The following COL23A1 variants were observed in gnomAD, a reference collection of about 807,000 sequenced individuals.
COL23A1 encodes collagen type XXIII alpha 1 chain, also known as collagen alpha-1(XXIII) chain.
A neutral mutation model predicts 99.3 loss-of-function variants in COL23A1; 97 were observed. The ratio of observed to expected loss-of-function variants is 0.98; its 90% CI spans 0.83 to 1.16. COL23A1 has a LOEUF of 1.16. Ranked by LOEUF, COL23A1 falls within the 50% of genes most tolerant of loss-of-function variation. The probability of loss-of-function intolerance (pLI) is 0.00; values close to 1 mark genes in which losing one functional copy is unlikely to be tolerated. For synonymous variants in COL23A1, 320 were observed against 308.2 expected (o/e 1.04, Z -0.40); for missense variants, 762 against 757.4 (o/e 1.01, Z -0.07).
chr5:178,339,687 G>T (rs747388016), intron 2 of COL23A1, among the ~76,000 whole-genome samples: 3 of 152,228 alleles, frequency 2.0e-5, no homozygotes, highest in Non-Finnish European at 4.4e-5. Context: ...ACGTGAATCT[G>T]CCAGCGCCTC....
intron 2 of COL23A1, among the ~76,000 whole-genome samples, chr5:178,484,568 A>T (rs973055399): frequency 6.6e-6 from 1 of 152,138 alleles, no homozygotes; most frequent in Non-Finnish European, 1.5e-5. Context: ...TCACGCCTGT[A>T]ATCCCAGCAC....
intron 2 of COL23A1, among the ~76,000 whole-genome samples, chr5:178,559,758 CAT>C (rs1416043425): frequency 6.8e-6 from 1 of 147,220 alleles, no homozygotes; most frequent in African/African-American, 2.6e-5. Flanking sequence ...GTCTGAGACA[CAT>C]CACCCAAAAG....
intron 2 of COL23A1, among the ~76,000 whole-genome samples, chr5:178,338,540 G>A (rs980412693): frequency 6.6e-6 from 1 of 152,186 alleles, no homozygotes; most frequent in African/African-American, 2.4e-5. Flanking sequence ...AATGGGGGTA[G>A]CTCCTGGGTC....
At chr5:178,400,334 T>G (rs1322265972) in intron 2 of COL23A1, among the ~76,000 whole-genome samples, 1 of 119,214 alleles carries the variant, frequency 8.4e-6, no homozygotes, top group Non-Finnish European at 1.6e-5. Flanking sequence ...GCCACTGCAC[T>G]CCAGCCTGGG....
At chr5:178,403,664 G>C (rs1219703192) in intron 2 of COL23A1, among the ~76,000 whole-genome samples, 2 of 152,216 alleles carry the variant, frequency 1.3e-5, no homozygotes, top group Non-Finnish European at 2.9e-5. Flanking sequence ...GCCCCAAGTG[G>C]TCCTTATAGT....
rs116157425 is a variant in COL23A1 at position 178,311,865 on chromosome 5, G to A, written c.362-4946C>T. On this transcript the variant is annotated intron_variant, in intron 2 of 28. Coordinates refer to ENST00000390654, the MANE Select transcript of COL23A1 (RefSeq NM_173465.4). ...TCTGCCTCAGCCTCCCGAGCTGCTG[G>A]GACCACAGGCACGCGCCACCATGCC... is the stretch of plus-strand genomic sequence containing the variant. Among the ~76,000 whole-genome samples, 598 of 152,070 alleles carry A rather than the reference G, an allele frequency of 3.9e-3. 5 individuals carry two copies. Among genetic ancestry groups the A allele is most frequent in the African/African-American group, 0.014 (575 of 41,464 alleles).
rs1022843271 is a variant in COL23A1 at position 178,466,793 on chromosome 5, C to T, written c.361+93889G>A. On this transcript the variant is annotated intron_variant, in intron 2 of 28. Coordinates refer to ENST00000390654, the MANE Select transcript of COL23A1 (RefSeq NM_173465.4). ...GAAGGACTGTTGGAGCAGCTCTGGC[C>T]GTGCCAGGCTGGCCAGGTGGAAGGA... Among the ~76,000 whole-genome samples, 3 of 152,234 alleles carry T rather than the reference C, an allele frequency of 2.0e-5. No individual in the cohort carries two copies. In the South Asian group the frequency reaches 6.2e-4, roughly 32 times the overall value.
intron 2 of COL23A1, among the ~76,000 whole-genome samples, chr5:178,517,407 A>G (rs760878407): frequency 6.6e-6 from 1 of 152,120 alleles, no homozygotes; most frequent in Non-Finnish European, 1.5e-5. Context: ...GAGAGGGCCC[A>G]TGTCCCTGTC....
intron 2 of COL23A1, among the ~76,000 whole-genome samples, chr5:178,502,464 G>C (rs1265533401): frequency 6.6e-6 from 1 of 152,184 alleles, no homozygotes; most frequent in Non-Finnish European, 1.5e-5. Flanking sequence ...CTGCTTCACA[G>C]GATGTGACAC....
rs1262625531 is a variant in COL23A1, at chr5:178,313,887, A to G, written c.362-6968T>C. On this transcript the variant is annotated intron_variant, in intron 2 of 28. Transcript: ENST00000390654. The surrounding 1 kb of genome is among the most constrained non-coding windows in gnomAD (Gnocchi z 4.2). ...TCCCTGGAAAAGAGCTTCCGAGACC[A>G]GATCATTAAAACATCTCCCCAGACC... is the stretch of plus-strand genomic sequence containing the variant. 2.6e-5 allele frequency among the ~76,000 whole-genome samples: 4 copies of G among 152,220 alleles called. No homozygotes were observed. In the East Asian group the frequency reaches 7.7e-4, roughly 29 times the overall value.
rs1223598835 is a variant in COL23A1 at position 178,589,715 on chromosome 5, C to T, written c.294+189G>A. Among the ~76,000 whole-genome samples, 1 of 152,048 alleles carries T rather than the reference C, an allele frequency of 6.6e-6. No individual in the cohort carries two copies. Among genetic ancestry groups the T allele is most frequent in the Non-Finnish European group, 1.5e-5 (1 of 67,992 alleles). On this transcript the variant is annotated intron_variant, in intron 1 of 28. Coordinates refer to ENST00000390654, the MANE Select transcript of COL23A1 (RefSeq NM_173465.4). The surrounding 1 kb of genome is among the most constrained non-coding windows in gnomAD (Gnocchi z 5.4). Reference sequence around the variant, plus strand: ...GAGGCCGGAGCGGAGACCGCAAAACCCCTTGGGGCCGGCACCCCCTGCCTC... The same window carrying T: ...GAGGCCGGAGCGGAGACCGCAAAACTCCTTGGGGCCGGCACCCCCTGCCTC...
At chr5:178,348,160 C>A (rs80263847) in intron 2 of COL23A1, among the ~76,000 whole-genome samples, 4,789 of 152,232 alleles carry the variant, frequency 0.031, 114 homozygotes, top group Non-Finnish European at 0.047. Context: ...ACGCCGCCCC[C>A]CGACTGGCCT....
intron 2 of COL23A1, among the ~76,000 whole-genome samples, chr5:178,442,532 GGTCCCAGTCTGCCATTCGGGGA>G (rs1291207399): frequency 5.3e-5 from 8 of 152,156 alleles, no homozygotes; most frequent in Non-Finnish European, 1.2e-4. Flanking sequence ...TGACAGCTGG[GGTCCCAGTCTGCCATTCGGGGA>G]GCACCAGCGT....
chr5:178,559,409 ATGT>A (rs1762441345), intron 2 of COL23A1, among the ~76,000 whole-genome samples: 3 of 152,196 alleles, frequency 2.0e-5, no homozygotes, highest in East Asian at 1.9e-4. Flanking sequence ...CTTTCCCTGC[ATGT>A]CGAGAAGTCT....
At position 178,308,129 on chromosome 5, in the gene COL23A1, G is replaced by GA. The variant is rs1408741093; in HGVS notation, c.362-1211_362-1210insT. The stretch of plus-strand genomic sequence containing the variant: ...TGTGTGTCTGTGTATGTATGTTTGT[G>GA]TCTGTGTGTCCTGTGGGAGGTGCTT... On this transcript the variant is annotated intron_variant, in intron 2 of 28. Transcript: ENST00000390654. This position sits in a 1 kb window ranked among gnomAD's most constrained non-coding sequence, Gnocchi z 5.1. 6.6e-6 allele frequency among the ~76,000 whole-genome samples: 1 copy of GA among 152,070 alleles called. No homozygotes were observed. The highest frequency in any genetic ancestry group is 1.5e-5 in the Non-Finnish European group (1 of 67,994).
chr5:178,578,324 T>G (rs1289164344), intron 1 of COL23A1, among the ~76,000 whole-genome samples: 1 of 152,060 alleles, frequency 6.6e-6, no homozygotes, highest in Non-Finnish European at 1.5e-5. Context: ...ACCCTCACAC[T>G]AGCTCACGCT....
chr5:178,537,012 G>A (rs1761002873), intron 2 of COL23A1, among the ~76,000 whole-genome samples: 1 of 152,212 alleles, frequency 6.6e-6, no homozygotes, highest in Admixed American at 6.5e-5. Flanking sequence ...CTGCTCCTCT[G>A]CTCTTCCGGT....
intron 2 of COL23A1, among the ~76,000 whole-genome samples, chr5:178,552,204 T>G (rs1762034338): frequency 6.6e-6 from 1 of 152,220 alleles, no homozygotes. Context: ...GTACCTCTCC[T>G]GCCTTCCTCT....
At chr5:178,258,257 A>ATG (rs1765425540) in intron 12 of COL23A1, among the ~76,000 whole-genome samples, 1 of 133,808 alleles carries the variant, frequency 7.5e-6, no homozygotes, top group African/African-American at 2.6e-5. Context: ...ATATATATAT[A>ATG]TATATACACA....
Sources: gnomAD v4.1 joint callset for allele counts (sites outside exome capture counted in the v4.1 genomes callset) on GRCh38, gnomAD v4.1.1 for gene constraint, Gnocchi (gnomAD v3.1) non-coding constraint, MANE v1.5 for transcripts, NCBI Gene and HGNC (gene_info 2026-07-23, HGNC 2026-07-21) for gene names.